Variants in AK8 observed in about 807,000 individuals in gnomAD.
AK8 encodes adenylate kinase 8.
Under a neutral mutation model 54.6 loss-of-function variants are expected in AK8, and 44 were observed. That is an observed-to-expected ratio of 0.81 (90% CI 0.63 to 1.04). The LOEUF (loss-of-function observed/expected upper bound fraction) is 1.04, where lower values mean the gene tolerates loss of function less well. Ranked by LOEUF, AK8 falls within the 50% of genes least tolerant of loss-of-function variation. The pLI is 0.00. For synonymous variants in AK8, 239 were observed against 245.6 expected, an observed-to-expected ratio of 0.97 and a Z score of 0.25; for missense variants, 555 against 613.6, an observed-to-expected ratio of 0.90 and a Z score of 1.01.
chr9:132,855,154 CCAA>C (rs767839829), intron 4 of AK8, among the ~76,000 whole-genome samples: 5 of 152,146 alleles, frequency 3.3e-5, no homozygotes, highest in Admixed American at 6.5e-5. Flanking sequence ...TGCCCAAGCC[CCAA>C]CATGCCCTCG....
At chr9:132,749,573 T>C (rs1837808982) in intron 11 of AK8, among the ~76,000 whole-genome samples, 1 of 151,862 alleles carries the variant, frequency 6.6e-6, no homozygotes, top group African/African-American at 2.4e-5. Context: ...TGCCCCGATA[T>C]CGGCTGGTGA....
intron 11 of AK8, among the ~76,000 whole-genome samples, chr9:132,764,047 C>T (rs1014560866): frequency 1.3e-5 from 2 of 152,188 alleles, no homozygotes; most frequent in African/African-American, 4.8e-5. Context: ...TGCCTGCAAT[C>T]CTGTCCTAGC....
chr9:132,775,078 T>C (rs974827023), intron 11 of AK8, among the ~76,000 whole-genome samples: 1 of 152,092 alleles, frequency 6.6e-6, no homozygotes, highest in Non-Finnish European at 1.5e-5. Flanking sequence ...TCCCTTTGTC[T>C]CCAAAGGACA....
chr9:132,820,393 T>C (rs186096639), intron 9 of AK8, among the ~76,000 whole-genome samples: 1 of 152,196 alleles, frequency 6.6e-6, no homozygotes, highest in African/African-American at 2.4e-5. Context: ...TATTTAGCCA[T>C]GTATCACTGA....
Position 132,826,980 on chromosome 9 carries a change from A to C in AK8, c.631T>G (p.Ser211Ala). The C allele has an allele frequency of 6.2e-7, 1 of 1,614,250 alleles. No individual in the cohort carries two copies. Among genetic ancestry groups the C allele is most frequent in the Middle Eastern group, 1.6e-4 (1 of 6,062 alleles). ...QNRLMVPEDI[S>A]ELETAQKLLE... The stretch of plus-strand genomic sequence containing the variant: ...AGTTTCTGAGCCGTCTCCAGCTCTG[A>C]GATGTCCTCTGGCACCATGAGACGG... The change falls in exon 8 of 13, where the codon TCA (serine) becomes GCA (alanine). Residue 211 changes from serine to alanine, a missense_variant. Ser to Ala is a moderately conservative substitution (Grantham distance 99). Transcript: ENST00000298545. This position sits in a 1 kb window ranked among gnomAD's most constrained non-coding sequence, Gnocchi z 4.5.
intron 9 of AK8, 99 bp downstream of exon 9, chr9:132,823,106 C>T: frequency 6.9e-7 from 1 of 1,452,798 alleles, no homozygotes; most frequent in Non-Finnish European, 9.1e-7. Context: ...TGACCCTTCC[C>T]CCCCAACACC....
chr9:132,758,320 G>C (rs993227001), intron 11 of AK8, among the ~76,000 whole-genome samples: 1 of 152,248 alleles, frequency 6.6e-6, no homozygotes, highest in Admixed American at 6.5e-5. Flanking sequence ...CTCTTCAGCA[G>C]GGCTTCCTAC....
chr9:132,787,980 C>A (rs1443995317), intron 11 of AK8, among the ~76,000 whole-genome samples: 1 of 151,348 alleles, frequency 6.6e-6, no homozygotes, highest in East Asian at 1.9e-4. Flanking sequence ...ATCAACTATG[C>A]AGTAAGCCTA....
chr9:132,825,581 G>A (rs1198708966), intron 8 of AK8, among the ~76,000 whole-genome samples: 4 of 152,190 alleles, frequency 2.6e-5, no homozygotes, highest in Non-Finnish European at 5.9e-5. Flanking sequence ...TTTAAGTAGC[G>A]ACATTTTCTA....
At chr9:132,769,521 G>A (rs1447604532) in intron 11 of AK8, 1 of 152,260 alleles carries the variant, frequency 6.6e-6, no homozygotes, top group African/African-American at 2.4e-5. Context: ...GTGAGTGCAT[G>A]GGGGAGGGAG....
At chr9:132,794,281 C>A (rs145069742) in intron 10 of AK8, among the ~76,000 whole-genome samples, 20 of 152,338 alleles carry the variant, frequency 1.3e-4, no homozygotes, top group African/African-American at 4.8e-4. Flanking sequence ...CCTGCAGGGG[C>A]TCCCCAGTGC....
intron 11 of AK8, among the ~76,000 whole-genome samples, chr9:132,745,401 C>G (rs1347517162): frequency 6.6e-6 from 1 of 152,106 alleles, no homozygotes; most frequent in Non-Finnish European, 1.5e-5. Flanking sequence ...TTTCATTGTT[C>G]TCAAATACTT....
At position 132,827,005 on chromosome 9, in the gene AK8, GT is replaced by G. The variant is rs772875208; in HGVS notation, c.605del (p.Asn202ThrfsTer53). 2.7e-4 allele frequency: 441 copies of G among 1,614,152 alleles called. No homozygotes were observed. The highest frequency in any genetic ancestry group is 3.5e-4 in the Non-Finnish European group (413 of 1,180,062). On this transcript the variant is annotated frameshift_variant, in exon 8 of 13. Coordinates refer to ENST00000298545, the MANE Select transcript of AK8 (RefSeq NM_152572.3). LOFTEE classifies it high-confidence loss of function. ...FDWPPESEIQNRLMVPEDISE... is the reference protein window; with the variant it reads ...FDWPPESEIQXRLMVPEDISE... ...AGATGTCCTCTGGCACCATGAGACGGTTCTGGATTTCAGATTCGGGTGGCCA... is the reference window on the plus strand; with the variant it reads ...AGATGTCCTCTGGCACCATGAGACGGTCTGGATTTCAGATTCGGGTGGCCA...
chr9:132,815,589 C>T (rs1381598113), intron 9 of AK8, among the ~76,000 whole-genome samples: 4 of 152,088 alleles, frequency 2.6e-5, no homozygotes, highest in African/African-American at 9.7e-5. Flanking sequence ...AAAAAGGTAC[C>T]ACGCTGCAGT....
intron 11 of AK8, among the ~76,000 whole-genome samples, chr9:132,747,337 C>T (rs575940572): frequency 6.6e-6 from 1 of 151,984 alleles, no homozygotes; most frequent in Admixed American, 6.6e-5. Context: ...GATGGGGTTT[C>T]ACCATGTTGG....
At position 132,878,073 on chromosome 9, in the gene AK8, G is replaced by C; in HGVS notation, c.84+99C>G. 1.3e-6 allele frequency: 2 copies of C among 1,536,804 alleles called. No homozygotes were observed. The highest frequency in any genetic ancestry group is 1.8e-6 in the Non-Finnish European group (2 of 1,136,818). ...GAGTTGGGCTGCTTCGTGGGCGCGCGACTCGGCCCCAGCTGCGGGTCCCGG... is the reference window on the plus strand; with the variant it reads ...GAGTTGGGCTGCTTCGTGGGCGCGCCACTCGGCCCCAGCTGCGGGTCCCGG... On this transcript the variant is annotated intron_variant, in intron 1 of 12. Transcript: ENST00000298545. This position sits in a 1 kb window ranked among gnomAD's most constrained non-coding sequence, Gnocchi z 4.7.
intron 2 of AK8, among the ~76,000 whole-genome samples, chr9:132,867,481 G>A (rs1400644976): frequency 6.6e-6 from 1 of 152,248 alleles, no homozygotes; most frequent in African/African-American, 2.4e-5. Context: ...CTATGCAAAT[G>A]GAAAACACTG....
At chr9:132,745,348 T>C (rs955494801) in intron 11 of AK8, among the ~76,000 whole-genome samples, 12 of 152,208 alleles carry the variant, frequency 7.9e-5, no homozygotes, top group Admixed American at 3.9e-4. Flanking sequence ...ATTACGCGGC[T>C]AATTGCTCGA....
rs145038864 is a variant in AK8, at chr9:132,781,168, T to C, written c.1121+11466A>G. 6.3e-4 allele frequency among the ~76,000 whole-genome samples: 96 copies of C among 152,344 alleles called. No individual in the cohort carries two copies. Among genetic ancestry groups the C allele is most frequent in the African/African-American group, 2.1e-3 (89 of 41,574 alleles). On this transcript the variant is annotated intron_variant, in intron 11 of 12. Transcript: ENST00000298545. This position sits in a 1 kb window ranked among gnomAD's most constrained non-coding sequence, Gnocchi z 4.6. ...ACATAGTTCTTTCTTTGTTTCTTTC[T>C]TTCTTTCTTTTTTTTTACTATTATT...
Sources: allele counts gnomAD v4.1 joint callset (sites outside exome capture counted in the v4.1 genomes callset), GRCh38; gene constraint gnomAD v4.1.1; non-coding constraint Gnocchi (gnomAD v3.1); transcripts MANE v1.5; gene names NCBI Gene and HGNC (gene_info 2026-07-23, HGNC 2026-07-21).